JAML: variants seen among roughly 807,000 people sequenced by gnomAD.
JAML encodes junctional adhesion molecule-like.
A neutral mutation model predicts 39.3 loss-of-function variants in JAML; 25 were observed. That is an observed-to-expected ratio of 0.64 (90% CI 0.46 to 0.89). The LOEUF is 0.89. Ranked by LOEUF, JAML falls within the 40% of genes least tolerant of loss-of-function variation. The pLI is 0.00. For missense variants in JAML, 440 were observed against 486.9 expected (o/e 0.90, Z 0.91); for synonymous variants, 162 against 179.2 (o/e 0.90, Z 0.77).
intron 6 of JAML, chr11:118,201,121 G>A (rs11216813): frequency 0.17 from 25,888 of 154,024 alleles, 2,203 homozygotes; most frequent in Middle Eastern, 0.22. Context: ...ACAGCACTAG[G>A]TACAGGGGAT....
chr11:118,215,763 C>T (rs959975410), intron 1 of JAML, among the ~76,000 whole-genome samples: 3 of 152,054 alleles, frequency 2.0e-5, no homozygotes, highest in Non-Finnish European at 2.9e-5. Context: ...TGCATGTTAT[C>T]TCTGTAGTAT....
chr11:118,212,402 G>A lies in JAML; in HGVS notation c.198+5C>T, dbSNP rs200954102. ...TATTACATAGTGATGTTTCCCCCGC[G>A]TTACCTTGGCGTGCTCTCCTGGTGA... is the stretch of plus-strand genomic sequence containing the variant. On this transcript the variant is annotated splice_donor_5th_base_variant and intron_variant, in intron 3 of 9. Coordinates refer to ENST00000356289, the MANE Select transcript of JAML (RefSeq NM_001098526.2). 9.6e-5 allele frequency: 155 copies of A among 1,613,558 alleles called. No homozygotes were observed. The highest frequency in any genetic ancestry group is 1.0e-4 in the Admixed American group (6 of 60,026).
At chr11:118,219,882 C>T (rs1359975271) in intron 1 of JAML, among the ~76,000 whole-genome samples, 2 of 152,208 alleles carry the variant, frequency 1.3e-5, no homozygotes, top group Non-Finnish European at 2.9e-5. Flanking sequence ...GGTGAGAAGT[C>T]ACCACCCAAT....
intron 4 of JAML, among the ~76,000 whole-genome samples, chr11:118,209,485 A>G (rs777861617): frequency 4.6e-5 from 7 of 152,282 alleles, no homozygotes; most frequent in Non-Finnish European, 1.0e-4. Context: ...GGAAAAATAA[A>G]GTGCAAAGAA....
intron 6 of JAML, chr11:118,201,495 G>A (rs1948796604): frequency 6.6e-6 from 1 of 152,248 alleles, no homozygotes; most frequent in Non-Finnish European, 1.5e-5. Context: ...TTTCGCTGGA[G>A]AGATGACAGG....
At chr11:118,207,959 AAG>A (rs768125983) in intron 4 of JAML, among the ~76,000 whole-genome samples, 3 of 152,186 alleles carry the variant, frequency 2.0e-5, no homozygotes, top group Non-Finnish European at 4.4e-5. Flanking sequence ...AGGAAGCAAA[AAG>A]AGAATCCTTT....
intron 2 of JAML, 91 bp downstream of exon 2, chr11:118,214,733 G>T: frequency 7.3e-7 from 1 of 1,367,282 alleles, no homozygotes; most frequent in South Asian, 1.2e-5. Flanking sequence ...ACAAACCCAA[G>T]GGAATCGAAA....
intron 2 of JAML, among the ~76,000 whole-genome samples, chr11:118,213,660 C>T (rs1949102435): frequency 6.6e-6 from 1 of 152,206 alleles, no homozygotes; most frequent in African/African-American, 2.4e-5. Flanking sequence ...GAAGCAACAA[C>T]AGCAACCAAA....
chr11:118,217,193 G>A (rs1328986844), intron 1 of JAML, among the ~76,000 whole-genome samples: 1 of 152,194 alleles, frequency 6.6e-6, no homozygotes, highest in Non-Finnish European at 1.5e-5. Flanking sequence ...GGCAGCACCG[G>A]CAAAATGCCT....
In JAML at chr11:118,212,920, C is replaced by G. The variant is rs184038391; in HGVS notation, c.44-359G>C. ...AGAAACTCACCTCCACTTACCATAACGACGAAATGGGTTGTTCCTTGCTCT... is the reference window on the plus strand; with the variant it reads ...AGAAACTCACCTCCACTTACCATAAGGACGAAATGGGTTGTTCCTTGCTCT... On this transcript the variant is annotated intron_variant, in intron 2 of 9. Coordinates refer to ENST00000356289, the MANE Select transcript of JAML (RefSeq NM_001098526.2). 605 of 1,614,218 alleles carry G rather than the reference C, an allele frequency of 3.7e-4. 3 individuals are homozygous for G. The African/African-American group carries it at 7.6e-3, about 20-fold the overall frequency.
At position 118,212,549 on chromosome 11, in the gene JAML, C is replaced by T; in HGVS notation, c.56G>A (p.Gly19Asp). 6.2e-7 allele frequency: 1 copy of T among 1,614,006 alleles called. No individual in the cohort carries two copies. Among genetic ancestry groups the T allele is most frequent in the East Asian group, 2.2e-5 (1 of 44,880 alleles). The change falls in exon 3 of 10, where the codon GGC becomes GAC. Residue 19 changes from glycine (G) to aspartate (D), a missense_variant. Coordinates refer to ENST00000356289, the MANE Select transcript of JAML (RefSeq NM_001098526.2). ...LLPVLLDYSL[G>D]LNDLNVSPPE... Reference sequence around the variant, plus strand: ...CGGGGAAACATTCAAGTCATTCAGGCCCAAGGAATAATCTATAGAAGTCAA... The same window carrying T: ...CGGGGAAACATTCAAGTCATTCAGGTCCAAGGAATAATCTATAGAAGTCAA...
intron 1 of JAML, among the ~76,000 whole-genome samples, chr11:118,218,229 G>A (rs1229581479): frequency 6.6e-6 from 1 of 152,156 alleles, no homozygotes; most frequent in African/African-American, 2.4e-5. Context: ...GAGTAGCTGG[G>A]ATTACAGGCA....
At chr11:118,207,923 T>C (rs1242584385) in intron 4 of JAML, among the ~76,000 whole-genome samples, 1 of 152,138 alleles carries the variant, frequency 6.6e-6, no homozygotes, top group Non-Finnish European at 1.5e-5. Context: ...TGTTCAGGCA[T>C]GGCATTAGAG....
intron 7 of JAML, among the ~76,000 whole-genome samples, chr11:118,199,915 C>T (rs2134646417): frequency 6.6e-6 from 1 of 152,120 alleles, no homozygotes; most frequent in South Asian, 2.1e-4. Flanking sequence ...CAAGGATGGT[C>T]TCGATCTCCT....
chr11:118,210,047 T>C (rs1949014848), intron 4 of JAML, among the ~76,000 whole-genome samples: 1 of 151,940 alleles, frequency 6.6e-6, no homozygotes, highest in Admixed American at 6.6e-5. Context: ...TTCTTTTCTA[T>C]CCCCCAGATC....
chr11:118,205,746 G>T lies in JAML; in HGVS notation c.534+136C>A, dbSNP rs1160201915. The T allele has an allele frequency of 1.2e-5, 8 of 694,222 alleles. No homozygotes were observed. In the East Asian group the frequency reaches 1.6e-4, roughly 14 times the overall value. 43.0% of individuals were successfully genotyped at this position (694,222 alleles called of 1,614,324 possible). On this transcript the variant is annotated intron_variant, in intron 5 of 9. Transcript: ENST00000356289. ...TCTTTCCCACCAGAAAGCTGAAATTGCTAGGAGAAGGTCCAGTTCTGATAA... is the reference window on the plus strand; with the variant it reads ...TCTTTCCCACCAGAAAGCTGAAATTTCTAGGAGAAGGTCCAGTTCTGATAA...
rs138630785 is a variant in JAML, at chr11:118,196,807, G to A, written c.1020C>T (p.Ser340=). ...CGATCACCTCCCGTACAATTATTGG[G>A]GAGTAAATGTGTTTCTAGAGGGGGA... ...ERCEGEKHIY[S]PIIVREVIEE... The change falls in exon 9 of 10, where the codon TCC becomes TCT. Residue 340 remains serine, a synonymous_variant. Transcript: ENST00000356289. The A allele has an allele frequency of 5.0e-5, 81 of 1,610,976 alleles. No individual in the cohort carries two copies. Among genetic ancestry groups the A allele is most frequent in the Non-Finnish European group, 6.4e-5 (75 of 1,177,380 alleles).
Position 118,210,556 on chromosome 11 carries a change from G to A in JAML, c.355C>T (p.Arg119Cys), listed in dbSNP as rs762860196. 79 of 1,614,024 alleles carry A rather than the reference G, an allele frequency of 4.9e-5. No homozygotes were observed. Among genetic ancestry groups the A allele is most frequent in the South Asian group, 8.8e-5 (8 of 91,090 alleles). ...AACACCTGGCTCTCCCCTTTGAGGC[G>A]GATTTCACAGATATAGGTTCCCTGG... ...ADQGTYICEI[R>C]LKGESQVFKK... is the part of the protein sequence containing the mutation. The change falls in exon 4 of 10, where the codon CGC becomes TGC. Residue 119 changes from arginine (R) to cysteine (C), a missense_variant. Physicochemically the swap from Arg to Cys is radical, Grantham distance 180. Coordinates refer to ENST00000356289, the MANE Select transcript of JAML (RefSeq NM_001098526.2).
chr11:118,198,224 G>A, intron 7 of JAML, 133 bp from the exon 8 acceptor site: 1 of 718,466 alleles, frequency 1.4e-6, no homozygotes, highest in South Asian at 1.7e-5. Flanking sequence ...GACTCCTACA[G>A]CCAGGGCTAC....
Sources: gnomAD v4.1 joint callset for allele counts (sites outside exome capture counted in the v4.1 genomes callset) on GRCh38, gnomAD v4.1.1 for gene constraint, MANE v1.5 for transcripts, NCBI Gene and HGNC (gene_info 2026-07-23, HGNC 2026-07-21) for gene names.